The following MRC2 variants were observed in gnomAD, a reference collection of about 807,000 sequenced individuals.
MRC2 encodes mannose receptor C-type 2.
In MRC2, 84 loss-of-function variants were observed where a neutral mutation model predicts 206.2. The ratio of observed to expected loss-of-function variants is 0.41; its 90% CI spans 0.34 to 0.49. The LOEUF (loss-of-function observed/expected upper bound fraction) is 0.49, where lower values mean the gene tolerates loss of function less well. Ranked by LOEUF, MRC2 falls within the 20% of genes least tolerant of loss-of-function variation. The pLI is 0.31. For synonymous variants in MRC2, 798 were observed against 800.0 expected (o/e 1.00, Z 0.04); for missense variants, 1,676 against 2,001.5 (o/e 0.84, Z 3.10).
chr17:62,672,449 A>G lies in MRC2; in HGVS notation c.1461+297A>G, dbSNP rs942022652. ...AAACCTTAGGCACAGTGCCTGGCGC[A>G]TTCTTGGTCTCCTCCCAGCTGCCCT... On this transcript the variant is annotated intron_variant, in intron 8 of 29. Transcript: ENST00000303375. The surrounding 1 kb of genome is among the most constrained non-coding windows in gnomAD (Gnocchi z 4.5). 3.3e-5 allele frequency among the ~76,000 whole-genome samples: 5 copies of G among 152,120 alleles called. No individual in the cohort carries two copies. The highest frequency in any genetic ancestry group is 5.9e-5 in the Non-Finnish European group (4 of 68,024).
chr17:62,682,202 G>C (rs1356162583), intron 19 of MRC2, 33 bp from the exon 20 acceptor site: 2 of 1,531,806 alleles, frequency 1.3e-6, no homozygotes, highest in Non-Finnish European at 1.8e-6. Context: ...GCTCTGCCCT[G>C]GGGGTGACTG....
chr17:62,667,557 G>T lies in MRC2; in HGVS notation c.1117+24G>T, dbSNP rs1440206809. ...AGGTGAGCCAGGGACTGTGCCGCAG[G>T]GTGGGGAGGGGCTCCCAGGGCCAGG... On this transcript the variant is annotated intron_variant, in intron 6 of 29. Transcript: ENST00000303375. The surrounding 1 kb of genome is among the most constrained non-coding windows in gnomAD (Gnocchi z 4.1). 6 of 1,585,968 alleles carry T rather than the reference G, an allele frequency of 3.8e-6. No individual in the cohort carries two copies. Among genetic ancestry groups the T allele is most frequent in the South Asian group, 1.1e-5 (1 of 87,166 alleles).
chr17:62,666,703 G>T lies in MRC2; in HGVS notation c.860-54G>T. On this transcript the variant is annotated intron_variant, in intron 4 of 29. Coordinates refer to ENST00000303375, the MANE Select transcript of MRC2 (RefSeq NM_006039.5). The surrounding 1 kb of genome is among the most constrained non-coding windows in gnomAD (Gnocchi z 5.0). ...TGGGTTGGGGAGAGGGCGATGGGGA[G>T]CGGGGGAGGCTGGGGCTGGGGATCC... The T allele has an allele frequency of 6.3e-7, 1 of 1,586,970 alleles. No individual in the cohort carries two copies. Among genetic ancestry groups the T allele is most frequent in the Non-Finnish European group, 8.6e-7 (1 of 1,164,872 alleles).
chr17:62,670,770 T>C (rs1244895846), intron 6 of MRC2, among the ~76,000 whole-genome samples: 2 of 152,026 alleles, frequency 1.3e-5, no homozygotes, highest in Admixed American at 1.3e-4. Flanking sequence ...TGTAGTGACT[T>C]TGAGCACCTC....
At chr17:62,682,078 C>A in intron 19 of MRC2, 141 bp downstream of exon 19, 1 of 1,092,590 alleles carries the variant, frequency 9.2e-7, no homozygotes, top group Non-Finnish European at 1.3e-6. Context: ...GAGGGGTGGA[C>A]CTGTCTCCAT....
intron 2 of MRC2, among the ~76,000 whole-genome samples, chr17:62,665,413 CAA>C (rs533169133): frequency 8.4e-6 from 1 of 118,358 alleles, no homozygotes; most frequent in Non-Finnish European, 1.9e-5. Flanking sequence ...CCCCCCCCCA[CAA>C]AAAAAAAAAG....
At chr17:62,674,432 G>A (rs1269594125) in intron 9 of MRC2, among the ~76,000 whole-genome samples, 1 of 151,962 alleles carries the variant, frequency 6.6e-6, no homozygotes, top group Non-Finnish European at 1.5e-5. Flanking sequence ...CCACTTCCTC[G>A]AGACAGCAGA....
In MRC2 at chr17:62,680,668, G is replaced by A; in HGVS notation, c.2474-132G>A. ...GGGCCTGGGGCCTGGCACGGTGCCT[G>A]CCTGGGTCCGGTGTGCCTGCAGGCT... On this transcript the variant is annotated intron_variant, in intron 16 of 29. Coordinates refer to ENST00000303375, the MANE Select transcript of MRC2 (RefSeq NM_006039.5). This position sits in a 1 kb window ranked among gnomAD's most constrained non-coding sequence, Gnocchi z 4.8. 1 of 1,306,626 alleles carries A rather than the reference G, an allele frequency of 7.7e-7. No individual in the cohort carries two copies. The highest frequency in any genetic ancestry group is 1.0e-6 in the Non-Finnish European group (1 of 984,894). The allele number at this position is 1,306,626 out of a possible 1,614,324, so 80.9% of individuals were successfully genotyped here.
In MRC2 at chr17:62,692,517, C is replaced by T. The variant is rs903329821; in HGVS notation, c.*66C>T. ...GAGCTGGGGCCCTGGGTCAGTCTGG[C>T]CCCCCACCAGCTGCCTGTCCAGTTG... On this transcript the variant is annotated 3_prime_UTR_variant, in exon 30 of 30. Coordinates refer to ENST00000303375, the MANE Select transcript of MRC2 (RefSeq NM_006039.5). The surrounding 1 kb of genome is among the most constrained non-coding windows in gnomAD (Gnocchi z 4.2). The T allele has an allele frequency of 9.0e-6, 13 of 1,451,864 alleles. No homozygotes were observed. Among genetic ancestry groups the T allele is most frequent in the Non-Finnish European group, 1.2e-5 (13 of 1,072,730 alleles). The allele number at this position is 1,451,864 out of a possible 1,614,324, so 89.9% of individuals were successfully genotyped here.
chr17:62,675,754 C>A lies in MRC2; in HGVS notation c.1570-36C>A, dbSNP rs780241457. 2.0e-6 allele frequency: 3 copies of A among 1,536,144 alleles called. No individual in the cohort carries two copies. The Admixed American group carries it at 5.0e-5, about 26-fold the overall frequency. The stretch of plus-strand genomic sequence containing the variant: ...GGGTGAGGGTGGAGAGTCATCTTCC[C>A]TACAGACACCCCTCTTCTGTCCACT... On this transcript the variant is annotated intron_variant, in intron 9 of 29. Coordinates refer to ENST00000303375, the MANE Select transcript of MRC2 (RefSeq NM_006039.5). The surrounding 1 kb of genome is among the most constrained non-coding windows in gnomAD (Gnocchi z 4.1).
At chr17:62,636,524 A>T (rs2088322144) in intron 1 of MRC2, among the ~76,000 whole-genome samples, 1 of 136,102 alleles carries the variant, frequency 7.3e-6, no homozygotes, top group African/African-American at 2.8e-5. Context: ...GCTGGAGTGC[A>T]GCGGCGGGAT....
rs76170060 is a variant in MRC2 at position 62,648,499 on chromosome 17, T to C, written c.119-16049T>C. Among the ~76,000 whole-genome samples the C allele has an allele frequency of 3.4e-3, 514 of 152,276 alleles. 3 individuals carry two copies. Among genetic ancestry groups the C allele is most frequent in the African/African-American group, 0.012 (491 of 41,570 alleles). On this transcript the variant is annotated intron_variant, in intron 1 of 29. Coordinates refer to ENST00000303375, the MANE Select transcript of MRC2 (RefSeq NM_006039.5). ...CTCATTTTCCCTTTACAGCTGCCCT[T>C]GGAGTTTATTTCTGCAGAACCGGAA... is the stretch of plus-strand genomic sequence containing the variant.
Position 62,692,372 on chromosome 17 carries a change from G to A in MRC2, c.4361G>A (p.Arg1454His), listed in dbSNP as rs866571294. ...RGAFEGARYS[R>H]SSSSPTEATE... Reference sequence around the variant, plus strand: ...GCCTTTGAGGGTGCCCGCTACAGCCGCAGCAGCTCCAGCCCCACCGAGGCC... The same window carrying A: ...GCCTTTGAGGGTGCCCGCTACAGCCACAGCAGCTCCAGCCCCACCGAGGCC... The change falls in exon 30 of 30, where the codon CGC becomes CAC. Residue 1454 changes from arginine to histidine, a missense_variant. By Grantham distance (29) the Arg-to-His change is conservative. Around this residue, in one of 3 missense-constraint regions of MRC2, gnomAD observed 1,354 missense variants for 1,636.6 expected, o/e 0.83. Coordinates refer to ENST00000303375, the MANE Select transcript of MRC2 (RefSeq NM_006039.5). This position sits in a 1 kb window ranked among gnomAD's most constrained non-coding sequence, Gnocchi z 4.2. 14 of 1,573,684 alleles carry A rather than the reference G, an allele frequency of 8.9e-6. No individual in the cohort carries two copies. The highest frequency in any genetic ancestry group is 1.9e-5 in the Admixed American group (1 of 53,122).
Position 62,664,158 on chromosome 17 carries a change from A to G in MRC2, c.119-390A>G. Among the ~76,000 whole-genome samples, 1 of 151,352 alleles carries G rather than the reference A, an allele frequency of 6.6e-6. No homozygotes were observed. Among genetic ancestry groups the G allele is most frequent in the East Asian group, 1.9e-4 (1 of 5,150 alleles). ...GTATTTTTAGTAGAGACGGGGTTTCACCGTTTTAGCCGGGATGGTCTCGAT... is the reference window on the plus strand; with the variant it reads ...GTATTTTTAGTAGAGACGGGGTTTCGCCGTTTTAGCCGGGATGGTCTCGAT... On this transcript the variant is annotated intron_variant, in intron 1 of 29. Coordinates refer to ENST00000303375, the MANE Select transcript of MRC2 (RefSeq NM_006039.5). The surrounding 1 kb of genome is among the most constrained non-coding windows in gnomAD (Gnocchi z 4.7).
Position 62,672,809 on chromosome 17 carries a change from T to C in MRC2, c.1461+657T>C, listed in dbSNP as rs1164191986. On this transcript the variant is annotated intron_variant, in intron 8 of 29. Coordinates refer to ENST00000303375, the MANE Select transcript of MRC2 (RefSeq NM_006039.5). The surrounding 1 kb of genome is among the most constrained non-coding windows in gnomAD (Gnocchi z 4.5). ...GAGTTCGAGACCAGCCTGGCCAACA[T>C]GGTGAAACCCCATCTCTACTAAAAA... 2.0e-5 allele frequency among the ~76,000 whole-genome samples: 3 copies of C among 152,026 alleles called. No individual in the cohort carries two copies. Among genetic ancestry groups the C allele is most frequent in the African/African-American group, 7.2e-5 (3 of 41,382 alleles).
rs1599001794 is a variant in MRC2 at position 62,692,607 on chromosome 17, T to G, written c.*156T>G. ...CGGAGCTGGGCAGAGCCTGGGCTGG[T>G]GGGGTGCCACCCTCCCACAAGGGCT... On this transcript the variant is annotated 3_prime_UTR_variant, in exon 30 of 30. Coordinates refer to ENST00000303375, the MANE Select transcript of MRC2 (RefSeq NM_006039.5). This position sits in a 1 kb window ranked among gnomAD's most constrained non-coding sequence, Gnocchi z 4.2. The G allele has an allele frequency of 4.0e-6, 3 of 752,946 alleles. No homozygotes were observed. Among genetic ancestry groups the G allele is most frequent in the Non-Finnish European group, 6.3e-6 (3 of 472,958 alleles). 46.6% of individuals were successfully genotyped at this position (752,946 alleles called of 1,614,324 possible).
Position 62,666,558 on chromosome 17 carries a change from C to G in MRC2, c.798C>G (p.Cys266Trp). ...CGTGGAGGGAGGCCTGGGCCAGCTG[C>G]GAGCAGCAGGGTGCGGATCTGCTGA... ...TLSWREAWASCEQQGADLLSI... is the reference protein window; with the variant it reads ...TLSWREAWASWEQQGADLLSI... Residue 266 changes from cysteine (C) to tryptophan (W), a missense_variant, in exon 4 of 30, where the codon TGC (cysteine) becomes TGG (tryptophan). By Grantham distance (215) the Cys-to-Trp change is radical (BLOSUM62 -2). Coordinates refer to ENST00000303375, the MANE Select transcript of MRC2 (RefSeq NM_006039.5). The surrounding 1 kb of genome is among the most constrained non-coding windows in gnomAD (Gnocchi z 5.0). 6.2e-7 allele frequency: 1 copy of G among 1,612,274 alleles called. No homozygotes were observed. Among genetic ancestry groups the G allele is most frequent in the Non-Finnish European group, 8.5e-7 (1 of 1,179,418 alleles).
chr17:62,671,584 C>A lies in MRC2; in HGVS notation c.1118-65C>A. The A allele has an allele frequency of 6.8e-7, 1 of 1,472,202 alleles. No homozygotes were observed. Among genetic ancestry groups the A allele is most frequent in the South Asian group, 1.4e-5 (1 of 69,690 alleles). 91.2% of individuals were successfully genotyped at this position (1,472,202 alleles called of 1,614,324 possible). On this transcript the variant is annotated intron_variant, in intron 6 of 29. Coordinates refer to ENST00000303375, the MANE Select transcript of MRC2 (RefSeq NM_006039.5). The surrounding 1 kb of genome is among the most constrained non-coding windows in gnomAD (Gnocchi z 4.5). ...AGGCCTCGCCTGTGTTGACGTCAACCCAGTGGGTTGGTTCCCAGACTGGGC... is the reference window on the plus strand; with the variant it reads ...AGGCCTCGCCTGTGTTGACGTCAACACAGTGGGTTGGTTCCCAGACTGGGC...
rs187551832 is a variant in MRC2, at chr17:62,682,726, C to T, written c.2946+349C>T. Reference sequence around the variant, plus strand: ...GCGCGATCTCGGCTCACTGCAACCTCTGCTTCCTGGGTTCAACCAATTCTC... The same window carrying T: ...GCGCGATCTCGGCTCACTGCAACCTTTGCTTCCTGGGTTCAACCAATTCTC... On this transcript the variant is annotated intron_variant, in intron 20 of 29. Coordinates refer to ENST00000303375, the MANE Select transcript of MRC2 (RefSeq NM_006039.5). Among the ~76,000 whole-genome samples the T allele has an allele frequency of 1.2e-3, 177 of 151,606 alleles. 1 individual carries two copies. Among genetic ancestry groups the T allele is most frequent in the Non-Finnish European group, 1.5e-3 (100 of 67,960 alleles).
Sources: gnomAD v4.1 joint callset for allele counts (sites outside exome capture counted in the v4.1 genomes callset) on GRCh38, gnomAD v4.1.1 for gene constraint, gnomAD v4.1.1 regional missense constraint, Gnocchi (gnomAD v3.1) non-coding constraint, MANE v1.5 for transcripts, NCBI Gene and HGNC (gene_info 2026-07-23, HGNC 2026-07-21) for gene names.